Variants in AGBL4 observed in about 807,000 individuals in gnomAD.
AGBL4 encodes cytosolic carboxypeptidase 6.
Under a neutral mutation model 66.4 loss-of-function variants are expected in AGBL4, and 58 were observed. The ratio of observed to expected loss-of-function variants is 0.87; its 90% CI spans 0.71 to 1.09. The LOEUF (loss-of-function observed/expected upper bound fraction) is 1.09, where lower values mean the gene tolerates loss of function less well. Among genes scored for constraint, AGBL4 ranks in the 50% least tolerant of loss-of-function variants. The pLI is 0.00. For missense variants in AGBL4, 579 were observed against 631.0 expected, an observed-to-expected ratio of 0.92 and a Z score of 0.88; for synonymous variants, 234 against 222.9, an observed-to-expected ratio of 1.05 and a Z score of -0.44.
chr1:49,927,417 C>T (rs1447046062), intron 1 of AGBL4, among the ~76,000 whole-genome samples: 1 of 152,114 alleles, frequency 6.6e-6, no homozygotes, highest in African/African-American at 2.4e-5. Context: ...AAGAAGCAGG[C>T]ACCTCCTTCA....
At chr1:48,670,834 G>A (rs1646265285) in intron 6 of AGBL4, among the ~76,000 whole-genome samples, 1 of 152,212 alleles carries the variant, frequency 6.6e-6, no homozygotes, top group Non-Finnish European at 1.5e-5. Flanking sequence ...AGGGTTCCTG[G>A]GAAACAGACT....
chr1:48,613,875 G>A (rs540995867), intron 9 of AGBL4, among the ~76,000 whole-genome samples: 108 of 152,244 alleles, frequency 7.1e-4, no homozygotes, highest in Non-Finnish European at 1.2e-3. Flanking sequence ...GTTTCGTGCA[G>A]AAATGTATTC....
intron 3 of AGBL4, among the ~76,000 whole-genome samples, chr1:49,315,575 G>A (rs576231783): frequency 7.2e-5 from 11 of 152,184 alleles, no homozygotes; most frequent in South Asian, 6.2e-4. Context: ...CAAAAAGTGC[G>A]CAAAGTATAT....
At chr1:49,853,343 G>A (rs1646352511) in intron 1 of AGBL4, among the ~76,000 whole-genome samples, 2 of 152,128 alleles carry the variant, frequency 1.3e-5, no homozygotes, top group Admixed American at 1.3e-4. Context: ...CACAGTAATA[G>A]AGATGAAGAA....
rs1204521528 is a variant in AGBL4, at chr1:48,691,425, T to A, written c.635-28184A>T. On this transcript the variant is annotated intron_variant, in intron 6 of 13. Transcript: ENST00000371839. ...TAGGATTAGAGTAATCAGGGAAGAC[T>A]TTCAGGAGAAAGGAGTCCTGGAGGA... Among the ~76,000 whole-genome samples, 3 of 152,036 alleles carry A rather than the reference T, an allele frequency of 2.0e-5. No individual in the cohort carries two copies. The East Asian group carries it at 5.8e-4, about 29-fold the overall frequency.
chr1:49,910,214 AT>A (rs1650681121), intron 1 of AGBL4, among the ~76,000 whole-genome samples: 1 of 152,090 alleles, frequency 6.6e-6, no homozygotes, highest in Admixed American at 6.6e-5. Flanking sequence ...AACAACAACA[AT>A]GAGTTAGGAG....
intron 3 of AGBL4, among the ~76,000 whole-genome samples, chr1:49,357,363 T>C (rs1171327553): frequency 6.6e-6 from 1 of 152,174 alleles, no homozygotes; most frequent in African/African-American, 2.4e-5. Flanking sequence ...ATGAATTATC[T>C]GCAACTTACA....
At chr1:49,147,190 G>T (rs1415253019) in intron 4 of AGBL4, among the ~76,000 whole-genome samples, 1 of 152,098 alleles carries the variant, frequency 6.6e-6, no homozygotes, top group South Asian at 2.1e-4. Context: ...GAAAATCCAT[G>T]CCCTGGAGAC....
At chr1:49,039,784 G>A (rs1643894998) in intron 5 of AGBL4, among the ~76,000 whole-genome samples, 1 of 152,036 alleles carries the variant, frequency 6.6e-6, no homozygotes, top group Non-Finnish European at 1.5e-5. Flanking sequence ...TGTTAGACAA[G>A]AGTTCTTAGA....
chr1:49,591,016 G>GT (rs1644741734), intron 3 of AGBL4, among the ~76,000 whole-genome samples: 1 of 152,036 alleles, frequency 6.6e-6, no homozygotes. Flanking sequence ...ACACTGCTTA[G>GT]AGGAAAATGT....
intron 6 of AGBL4, among the ~76,000 whole-genome samples, chr1:48,846,230 C>A (rs893056755): frequency 1.3e-5 from 2 of 151,918 alleles, no homozygotes; most frequent in African/African-American, 4.8e-5. Flanking sequence ...AAGAAAGGGG[C>A]CTGCTATACC....
Position 50,006,393 on chromosome 1 carries a change from G to C in AGBL4, c.34+17370C>G, listed in dbSNP as rs896157741. On this transcript the variant is annotated intron_variant, in intron 1 of 13. Transcript: ENST00000371839. ...AGAGGAGTAGACAGTTTATCAAAGG[G>C]ATAATAAAAGAGGATTTCCCAAACT... 5.3e-5 allele frequency among the ~76,000 whole-genome samples: 8 copies of C among 151,482 alleles called. No homozygotes were observed. The East Asian group carries it at 9.7e-4, about 18-fold the overall frequency.
chr1:49,973,698 T>C (rs554796201), intron 1 of AGBL4, among the ~76,000 whole-genome samples: 24 of 148,660 alleles, frequency 1.6e-4, no homozygotes, highest in African/African-American at 5.1e-4. Context: ...AATGATATTG[T>C]TATATATCAT....
At chr1:49,858,162 T>G (rs1446804558) in intron 1 of AGBL4, among the ~76,000 whole-genome samples, 1 of 151,872 alleles carries the variant, frequency 6.6e-6, no homozygotes, top group African/African-American at 2.4e-5. Context: ...CAAACCACAA[T>G]GAGATACCAT....
chr1:49,618,098 T>C (rs912489853), intron 3 of AGBL4, among the ~76,000 whole-genome samples: 17 of 152,286 alleles, frequency 1.1e-4, no homozygotes, highest in Middle Eastern at 6.8e-3. Flanking sequence ...AGTGAGAACA[T>C]GTGGTGTTTG....
chr1:49,918,555 A>C (rs1233189776), intron 1 of AGBL4, among the ~76,000 whole-genome samples: 1 of 152,212 alleles, frequency 6.6e-6, no homozygotes, highest in African/African-American at 2.4e-5. Context: ...GAATCCCTGA[A>C]TAGACCAATA....
intron 3 of AGBL4, among the ~76,000 whole-genome samples, chr1:49,509,016 C>A (rs1570908528): frequency 6.6e-6 from 1 of 151,694 alleles, no homozygotes; most frequent in Non-Finnish European, 1.5e-5. Flanking sequence ...TACCCAAACA[C>A]CCCAAACACA....
intron 3 of AGBL4, among the ~76,000 whole-genome samples, chr1:49,346,914 A>T (rs1412742167): frequency 1.3e-5 from 2 of 152,196 alleles, no homozygotes; most frequent in Non-Finnish European, 2.9e-5. Context: ...GGCATTCTTA[A>T]TCATAGGATA....
chr1:49,342,939 G>T (rs1017821781), intron 3 of AGBL4, among the ~76,000 whole-genome samples: 1 of 152,152 alleles, frequency 6.6e-6, no homozygotes, highest in Non-Finnish European at 1.5e-5. Flanking sequence ...TTTGGTAAAG[G>T]TTAAAAGCCA....
Sources: allele counts gnomAD v4.1 joint callset (sites outside exome capture counted in the v4.1 genomes callset), GRCh38; gene constraint gnomAD v4.1.1; transcripts MANE v1.5; gene names NCBI Gene and HGNC (gene_info 2026-07-23, HGNC 2026-07-21).